The following CROCC2 variants were observed in gnomAD, a reference collection of about 807,000 sequenced individuals.
CROCC2 encodes the protein ciliary rootlet coiled-coil protein 2.
In CROCC2, 163 loss-of-function variants were observed where a neutral mutation model predicts 177.6. That is an observed-to-expected ratio of 0.92 (90% confidence interval 0.81 to 1.05). The LOEUF is 1.05. Among genes scored for constraint, CROCC2 ranks in the 50% least tolerant of loss-of-function variants. The pLI is 0.00. For missense variants in CROCC2, 1,929 were observed against 1,797.8 expected, an observed-to-expected ratio of 1.07 and a Z score of -1.32; for synonymous variants, 904 against 787.3, an observed-to-expected ratio of 1.15 and a Z score of -2.48.
intron 18 of CROCC2, 53 bp from the exon 19 acceptor site, chr2:240,955,806 T>A: frequency 7.6e-7 from 1 of 1,309,130 alleles, no homozygotes; most frequent in South Asian, 1.3e-5. Flanking sequence ...GGGGGCCTCT[T>A]CCCTCCCCCG....
At chr2:240,936,620 A>G (rs980187359) in intron 14 of CROCC2, among the ~76,000 whole-genome samples, 2 of 152,196 alleles carry the variant, frequency 1.3e-5, no homozygotes, top group East Asian at 1.9e-4. Flanking sequence ...TCCAGCAACA[A>G]TGTTTCCAAT....
intron 7 of CROCC2, 94 bp downstream of exon 7, chr2:240,931,222 C>T: frequency 1.6e-6 from 1 of 617,094 alleles, no homozygotes; most frequent in Non-Finnish European, 2.9e-6. Context: ...CAGATGTGGT[C>T]ACACCGTTCC....
At position 240,949,093 on chromosome 2, in the gene CROCC2, G is replaced by A. The variant is rs1171258813; in HGVS notation, c.2478G>A (p.Leu826=). 3.1e-5 allele frequency: 47 copies of A among 1,539,640 alleles called. No homozygotes were observed. The highest frequency in any genetic ancestry group is 4.1e-5 in the Non-Finnish European group (47 of 1,143,110). Residue 826 remains leucine, a synonymous_variant, in exon 16 of 32, where the codon TTG becomes TTA. Coordinates refer to ENST00000690015, the MANE Select transcript of CROCC2 (RefSeq NM_001351305.2). This position sits in a 1 kb window ranked among gnomAD's most constrained non-coding sequence, Gnocchi z 4.5. The stretch of plus-strand genomic sequence containing the variant: ...GCGCAGGACTCGCGCGGCAGGCCTT[G>A]CAAGGTGCTCCAAGGGCGCTCCCTC... ...ARSAGLARQA[L]QVEMEQLQSD... is the part of the protein sequence containing the mutation.
chr2:240,962,419 C>T (rs919173323), intron 20 of CROCC2, among the ~76,000 whole-genome samples: 1 of 152,080 alleles, frequency 6.6e-6, no homozygotes, highest in African/African-American at 2.4e-5. Flanking sequence ...TGGTCCTTGA[C>T]CTTCTGGGCG....
At chr2:240,920,639 G>A (rs1019895697) in intron 3 of CROCC2, among the ~76,000 whole-genome samples, 6 of 152,238 alleles carry the variant, frequency 3.9e-5, no homozygotes, top group Non-Finnish European at 8.8e-5. Context: ...GGCCGGGGCC[G>A]CTTGGACCTC....
At chr2:240,979,576 G>T (rs1419627273) in intron 27 of CROCC2, among the ~76,000 whole-genome samples, 3 of 104,672 alleles carry the variant, frequency 2.9e-5, no homozygotes, top group African/African-American at 1.1e-4. Flanking sequence ...CTCAAGCTCT[G>T]GGGTAGGAGC....
intron 18 of CROCC2, among the ~76,000 whole-genome samples, chr2:240,951,394 T>C (rs2106470888): frequency 6.6e-6 from 1 of 150,826 alleles, no homozygotes; most frequent in South Asian, 2.1e-4. Context: ...CACCCACCTA[T>C]CCATCCATTC....
intron 14 of CROCC2, among the ~76,000 whole-genome samples, chr2:240,943,133 G>A (rs140285065): frequency 0.045 from 6,856 of 151,938 alleles, 475 homozygotes; most frequent in African/African-American, 0.15. Context: ...TCAGCCTCCC[G>A]AGTAGCTGGG....
At chr2:240,964,930 C>T (rs932429436) in intron 22 of CROCC2, among the ~76,000 whole-genome samples, 1 of 152,148 alleles carries the variant, frequency 6.6e-6, no homozygotes, top group Non-Finnish European at 1.5e-5. Flanking sequence ...CAGCAGCACA[C>T]GGAAGTATCC....
intron 5 of CROCC2, chr2:240,929,612 G>A: frequency 2.2e-6 from 1 of 454,468 alleles, no homozygotes; most frequent in Non-Finnish European, 4.4e-6. Flanking sequence ...GGTACCCAGT[G>A]CTAGAGGCTT....
intron 1 of CROCC2, among the ~76,000 whole-genome samples, chr2:240,916,119 C>T (rs2059318636): frequency 6.6e-6 from 1 of 152,114 alleles, no homozygotes; most frequent in African/African-American, 2.4e-5. Flanking sequence ...GTGGGCGGTG[C>T]CGACCCTCAG....
intron 19 of CROCC2, chr2:240,956,246 T>C (rs2059589277): frequency 6.2e-6 from 3 of 482,342 alleles, no homozygotes; most frequent in African/African-American, 1.9e-5. Context: ...AGAGGGGGCC[T>C]GGCCCAGCTG....
chr2:240,937,805 G>A (rs1478759700), intron 14 of CROCC2, among the ~76,000 whole-genome samples: 1 of 152,160 alleles, frequency 6.6e-6, no homozygotes. Context: ...GGGGCCTGGT[G>A]GGAGGTGATT....
Position 240,983,487 on chromosome 2 carries a change from G to C in CROCC2, c.4551+458G>C. 4 of 1,243,064 alleles carry C rather than the reference G, an allele frequency of 3.2e-6. No individual in the cohort carries two copies. In the South Asian group the frequency reaches 5.3e-5, roughly 16 times the overall value. The allele number at this position is 1,243,064 out of a possible 1,614,324, so 77.0% of individuals were successfully genotyped here. ...GAGGCGGCCGAGGCGCAGGCGGAGA[G>C]GCGCGTCCTGCAGGAGCAGACGGCG... is the stretch of plus-strand genomic sequence containing the variant. On this transcript the variant is annotated intron_variant, in intron 28 of 31. Coordinates refer to ENST00000690015, the MANE Select transcript of CROCC2 (RefSeq NM_001351305.2).
Position 240,972,191 on chromosome 2 carries a change from C to A in CROCC2, c.4401+3929C>A, listed in dbSNP as rs1163643280. On this transcript the variant is annotated intron_variant, in intron 27 of 31. Coordinates refer to ENST00000690015, the MANE Select transcript of CROCC2 (RefSeq NM_001351305.2). The surrounding 1 kb of genome is among the most constrained non-coding windows in gnomAD (Gnocchi z 7.1). ...GTTTGAAGTTGGGAGTGGAGAGGAA[C>A]CCATCAGGGACTTTATGTGTCCCCA... 2.6e-5 allele frequency among the ~76,000 whole-genome samples: 4 copies of A among 152,118 alleles called. No homozygotes were observed. The highest frequency in any genetic ancestry group is 9.7e-5 in the African/African-American group (4 of 41,426).
intron 31 of CROCC2, among the ~76,000 whole-genome samples, chr2:240,992,016 A>G (rs1379700218): frequency 1.3e-5 from 2 of 152,184 alleles, no homozygotes; most frequent in African/African-American, 2.4e-5. Context: ...AGGGGAGTGT[A>G]ACACTTAAAG....
chr2:240,983,199 T>G (rs562465787), intron 28 of CROCC2, 170 bp downstream of exon 28: 1 of 845,268 alleles, frequency 1.2e-6, no homozygotes, highest in South Asian at 1.8e-5. Context: ...CACCATCCAG[T>G]CCCCCGCTGA....
intron 20 of CROCC2, among the ~76,000 whole-genome samples, chr2:240,961,803 A>ACACACACTCACACACG (rs1553661611): frequency 1.3e-5 from 1 of 76,246 alleles, no homozygotes; most frequent in South Asian, 4.6e-4. Context: ...ACTCACACAT[A>ACACACACTCACACACG]CACTCACATA....
chr2:240,985,707 ACACACACACACCCAGGCACTCACTC>A (rs1228747555), intron 28 of CROCC2, among the ~76,000 whole-genome samples: 5,873 of 20,460 alleles, frequency 0.29, 101 homozygotes, highest in East Asian at 0.4. Flanking sequence ...CACTCACTCC[ACACACACACACCCAGGCACTCACTC>A]CACACACACA....
Sources: gnomAD v4.1 joint callset for allele counts (sites outside exome capture counted in the v4.1 genomes callset) on GRCh38, gnomAD v4.1.1 for gene constraint, Gnocchi (gnomAD v3.1) non-coding constraint, MANE v1.5 for transcripts, NCBI Gene and HGNC (gene_info 2026-07-23, HGNC 2026-07-21) for gene names.